Variants in NCOR1 observed in about 807,000 individuals in gnomAD.
NCOR1 encodes protein phosphatase 1, regulatory subunit 109.
Under a neutral mutation model 288.1 loss-of-function variants are expected in NCOR1, and 63 were observed. That is an observed-to-expected ratio of 0.22 (90% CI 0.18 to 0.27). The LOEUF (loss-of-function observed/expected upper bound fraction) is 0.27. Among genes scored for constraint, NCOR1 ranks in the 10% least tolerant of loss-of-function variants. The pLI is 1.00. For synonymous variants in NCOR1, 1,007 were observed against 1,065.9 expected (o/e 0.94, Z 1.08); for missense variants, 2,397 against 3,019.2 (o/e 0.79, Z 4.83).
intron 18 of NCOR1, among the ~76,000 whole-genome samples, chr17:16,109,871 T>TTA (rs2069637437): frequency 6.6e-6 from 1 of 152,150 alleles, no homozygotes; most frequent in African/African-American, 2.4e-5. Context: ...ATAGTTGGAA[T>TTA]TACAAGCACC....
intron 15 of NCOR1, among the ~76,000 whole-genome samples, chr17:16,125,107 T>C (rs1294294186): frequency 6.6e-6 from 1 of 152,230 alleles, no homozygotes; most frequent in Non-Finnish European, 1.5e-5. Flanking sequence ...CTCACGCCTG[T>C]AATCCCAACA....
chr17:16,087,331 AG>A, intron 22 of NCOR1: 1 of 1,303,968 alleles, frequency 7.7e-7, no homozygotes, highest in Non-Finnish European at 1.0e-6. Context: ...TAAGGCATAT[AG>A]GCGACTGATT....
At chr17:16,039,272 G>A (rs963093121) in intron 44 of NCOR1, 161 bp downstream of exon 44, 5 of 653,824 alleles carry the variant, frequency 7.6e-6, no homozygotes, top group Admixed American at 2.9e-5. Context: ...TAATGTCTGG[G>A]TAGGTTTTCA....
At chr17:16,215,115 C>G (rs1345161738) in intron 1 of NCOR1, among the ~76,000 whole-genome samples, 1 of 152,192 alleles carries the variant, frequency 6.6e-6, no homozygotes, top group African/African-American at 2.4e-5. Context: ...GGCCACAGCC[C>G]ATTCTTCCTC....
chr17:16,039,710 A>G, intron 43 of NCOR1, 56 bp from the exon 44 acceptor site: 3 of 1,464,674 alleles, frequency 2.0e-6, no homozygotes, highest in Non-Finnish European at 2.8e-6. Flanking sequence ...TCAGGAAACA[A>G]ACATGCATTG....
At chr17:16,069,526 C>A (rs1206007691) in intron 31 of NCOR1, among the ~76,000 whole-genome samples, 1 of 152,202 alleles carries the variant, frequency 6.6e-6, no homozygotes, top group Non-Finnish European at 1.5e-5. Flanking sequence ...GTAAAAATCA[C>A]TTCTCAACTG....
chr17:16,158,577 T>C (rs756739354), intron 6 of NCOR1, among the ~76,000 whole-genome samples, 183 bp downstream of exon 6: 4 of 152,302 alleles, frequency 2.6e-5, no homozygotes, highest in Non-Finnish European at 5.9e-5. Flanking sequence ...ACTGTAAACT[T>C]TCTTTCAATT....
chr17:16,106,414 T>A (rs1239131075), intron 19 of NCOR1, among the ~76,000 whole-genome samples: 1 of 147,332 alleles, frequency 6.8e-6, no homozygotes. Flanking sequence ...CAAACATGAG[T>A]ATCTTTTTTT....
chr17:16,168,963 CAAA>C (rs764946023), intron 4 of NCOR1, among the ~76,000 whole-genome samples: 2 of 81,724 alleles, frequency 2.4e-5, no homozygotes, highest in African/African-American at 4.3e-5. Context: ...GACTCCGTCT[CAAA>C]AAAAAAAAAA....
chr17:16,206,540 C>T (rs549442152), intron 1 of NCOR1, among the ~76,000 whole-genome samples: 1 of 152,312 alleles, frequency 6.6e-6, no homozygotes, highest in African/African-American at 2.4e-5. Context: ...CACATGCCAC[C>T]ATGGCTGGCT....
chr17:16,051,336 C>T (rs1597875479), intron 40 of NCOR1, among the ~76,000 whole-genome samples: 1 of 152,120 alleles, frequency 6.6e-6, no homozygotes, highest in African/African-American at 2.4e-5. Context: ...CAGAGAAACT[C>T]CTCTGTGTTT....
Position 16,097,918 on chromosome 17 carries a change from C to T in NCOR1, c.2820+449G>A, listed in dbSNP as rs536652710. 3.3e-5 allele frequency among the ~76,000 whole-genome samples: 5 copies of T among 152,142 alleles called. No individual in the cohort carries two copies. In the East Asian group the frequency reaches 5.8e-4, roughly 18 times the overall value. ...ATGATTACGCCAGGTAGTTGGTGTC[C>T]GAATTGAACTGAACTGTAGGAACCT... On this transcript the variant is annotated intron_variant, in intron 21 of 45. Transcript: ENST00000268712.
chr17:16,048,277 G>A (rs1433205609), intron 41 of NCOR1, among the ~76,000 whole-genome samples: 2 of 152,176 alleles, frequency 1.3e-5, no homozygotes, highest in African/African-American at 4.8e-5. Context: ...GCAGAGGGAA[G>A]TGAAGCTGAA....
At chr17:16,188,434 A>T (rs1432569120) in intron 2 of NCOR1, among the ~76,000 whole-genome samples, 3 of 151,850 alleles carry the variant, frequency 2.0e-5, no homozygotes, top group Non-Finnish European at 2.9e-5. Flanking sequence ...ACACAGTGAA[A>T]CCCCATCTCC....
chr17:16,199,210 A>C (rs1315630851), intron 1 of NCOR1, among the ~76,000 whole-genome samples: 38 of 109,216 alleles, frequency 3.5e-4, no homozygotes, highest in African/African-American at 1.3e-3. Flanking sequence ...GAAGGAAAAA[A>C]AAAAAAACAC....
chr17:16,175,052 A>C (rs940298086), intron 3 of NCOR1, among the ~76,000 whole-genome samples: 11 of 152,026 alleles, frequency 7.2e-5, no homozygotes, highest in African/African-American at 2.7e-4. Context: ...AAAAAAACCT[A>C]ACAGCAAATT....
At chr17:16,041,401 GTTCTT>G (rs1367254550) in intron 42 of NCOR1, 1 of 75,574 alleles carries the variant, frequency 1.3e-5, no homozygotes, top group Non-Finnish European at 2.9e-5. Flanking sequence ...GAATGTGAAA[GTTCTT>G]TTTTTTTTTT....
At chr17:16,159,017 A>C (rs2080276819) in intron 5 of NCOR1, 144 bp from the exon 6 acceptor site, 3 of 476,386 alleles carry the variant, frequency 6.3e-6, no homozygotes, top group African/African-American at 5.9e-5. Flanking sequence ...CTCATGGACC[A>C]AGAGCTCAAA....
chr17:16,070,099 A>G, intron 31 of NCOR1, 66 bp downstream of exon 31: 1 of 1,334,122 alleles, frequency 7.5e-7, no homozygotes, highest in Non-Finnish European at 1.0e-6. Flanking sequence ...ACTACTTGAC[A>G]AAGGTTTTTT....
Sources: allele counts gnomAD v4.1 joint callset (sites outside exome capture counted in the v4.1 genomes callset), GRCh38; gene constraint gnomAD v4.1.1; transcripts MANE v1.5; gene names NCBI Gene and HGNC (gene_info 2026-07-23, HGNC 2026-07-21).